The following SOS2 variants were observed in gnomAD, a reference collection of about 807,000 sequenced individuals.
SOS2 encodes SOS Ras/Rho guanine nucleotide exchange factor 2.
In SOS2, 65 loss-of-function variants were observed where a neutral mutation model predicts 148.2. That is an observed-to-expected ratio of 0.44 (90% CI 0.36 to 0.54). SOS2 has a LOEUF of 0.54. Among genes scored for constraint, SOS2 ranks in the 20% least tolerant of loss-of-function variants. The pLI, the probability that SOS2 is intolerant of heterozygous loss-of-function variation, is 0.00. For missense variants in SOS2, 1,341 were observed against 1,590.2 expected (o/e 0.84, Z 2.67); for synonymous variants, 539 against 537.1 (o/e 1.00, Z -0.05).
At chr14:50,137,418 AC>A (rs1233133276) in intron 18 of SOS2, among the ~76,000 whole-genome samples, 5 of 152,188 alleles carry the variant, frequency 3.3e-5, no homozygotes, top group Admixed American at 1.3e-4. Flanking sequence ...TTTTCTTTTT[AC>A]TGCATGGACA....
At chr14:50,187,704 A>C (rs1885961454) in intron 5 of SOS2, among the ~76,000 whole-genome samples, 1 of 152,236 alleles carries the variant, frequency 6.6e-6, no homozygotes, top group Admixed American at 6.5e-5. Flanking sequence ...AAAATAAATC[A>C]TGTGATAAAA....
intron 8 of SOS2, among the ~76,000 whole-genome samples, chr14:50,169,996 G>A (rs1466943269): frequency 6.6e-6 from 1 of 151,902 alleles, no homozygotes; most frequent in African/African-American, 2.4e-5. Context: ...CGTAAACATG[G>A]CTCACTGCAG....
intron 4 of SOS2, among the ~76,000 whole-genome samples, chr14:50,192,589 C>T (rs143197954): frequency 5.3e-4 from 81 of 151,820 alleles, no homozygotes; most frequent in East Asian, 2.1e-3. Context: ...AAAGGCCAGG[C>T]GCAGTAGCTC....
At position 50,212,006 on chromosome 14, in the gene SOS2, G is replaced by A. The variant is rs1462620362; in HGVS notation, c.88-7597C>T. On this transcript the variant is annotated intron_variant, in intron 1 of 22. Coordinates refer to ENST00000216373, the MANE Select transcript of SOS2 (RefSeq NM_006939.4). ...AGTAATAATGACAGCTACATAAAAT[G>A]TGGATGCACCCTGAAAAAATGTTGG... Among the ~76,000 whole-genome samples, 7 of 152,278 alleles carry A rather than the reference G, an allele frequency of 4.6e-5. No individual in the cohort carries two copies. In the South Asian group the frequency reaches 6.2e-4, roughly 14 times the overall value.
At chr14:50,181,504 T>G (rs1041981250) in intron 6 of SOS2, among the ~76,000 whole-genome samples, 5 of 152,030 alleles carry the variant, frequency 3.3e-5, no homozygotes, top group African/African-American at 1.2e-4. Flanking sequence ...GTTGCAGTGT[T>G]GTTTACAATA....
chr14:50,138,824 T>G, intron 17 of SOS2, 40 bp from the exon 18 acceptor site: 1 of 710,862 alleles, frequency 1.4e-6, no homozygotes, highest in Non-Finnish European at 2.2e-6. Context: ...AAAGTTATTT[T>G]AAATTTTGTT....
At chr14:50,165,883 G>A (rs1050744405) in intron 8 of SOS2, among the ~76,000 whole-genome samples, 1 of 152,176 alleles carries the variant, frequency 6.6e-6, no homozygotes, top group Non-Finnish European at 1.5e-5. Context: ...TGAAGGAAAT[G>A]AGGCACAGAG....
At chr14:50,198,658 T>C (rs1265496684) in intron 4 of SOS2, among the ~76,000 whole-genome samples, 3 of 152,154 alleles carry the variant, frequency 2.0e-5, no homozygotes, top group Non-Finnish European at 4.4e-5. Flanking sequence ...GTCCTGAAGG[T>C]TGTTCACCCT....
Position 50,120,283 on chromosome 14 carries a change from T to C in SOS2, c.3481A>G (p.Asn1161Asp), listed in dbSNP as rs371703424. ...PRKKFDHDAS[N>D]SKGNMKSDDD... ...AAAGTCCTGTTGATTACCTTGGAATTTGAAGCATCATGATCAAACTTTTTT... is the reference window on the plus strand; with the variant it reads ...AAAGTCCTGTTGATTACCTTGGAATCTGAAGCATCATGATCAAACTTTTTT... The change falls in exon 22 of 23, where the codon AAT becomes GAT. Residue 1161 changes from asparagine to aspartate, a missense_variant. Coordinates refer to ENST00000216373, the MANE Select transcript of SOS2 (RefSeq NM_006939.4). The C allele has an allele frequency of 9.1e-6, 14 of 1,538,034 alleles. No individual in the cohort carries two copies. In the African/African-American group the frequency reaches 1.2e-4, roughly 14 times the overall value.
chr14:50,176,092 C>T (rs1389099839), intron 7 of SOS2, among the ~76,000 whole-genome samples: 3 of 152,144 alleles, frequency 2.0e-5, no homozygotes, highest in Admixed American at 6.5e-5. Flanking sequence ...AGGGCAGAGC[C>T]CCTGTGAACG....
intron 21 of SOS2, among the ~76,000 whole-genome samples, chr14:50,125,302 G>C (rs1044637985): frequency 1.3e-5 from 2 of 152,214 alleles, no homozygotes; most frequent in Admixed American, 1.3e-4. Context: ...GGTAGAAGAA[G>C]CAAGGAAGGA....
chr14:50,158,752 C>T, intron 10 of SOS2, 106 bp from the exon 11 acceptor site: 1 of 699,254 alleles, frequency 1.4e-6, no homozygotes, highest in Middle Eastern at 2.6e-4. Flanking sequence ...TTTACTTTGG[C>T]TCCTCAGATT....
intron 2 of SOS2, among the ~76,000 whole-genome samples, chr14:50,203,236 T>G (rs937704732): frequency 1.3e-5 from 2 of 151,346 alleles, no homozygotes; most frequent in Admixed American, 1.3e-4. Flanking sequence ...TAGCCTGGGG[T>G]GCACGCCTGT....
At chr14:50,224,326 C>T (rs866163320) in intron 1 of SOS2, among the ~76,000 whole-genome samples, 13,586 of 112,888 alleles carry the variant, frequency 0.12, 1,582 homozygotes, top group East Asian at 0.33. Flanking sequence ...CACACACACA[C>T]ACACACACAC....
Position 50,118,639 on chromosome 14 carries a change from T to G in SOS2, c.3704A>C (p.Gln1235Pro), listed in dbSNP as rs1883395132. ...EHFINCPFNLQPPPLGHLHRD... is the reference protein window; with the variant it reads ...EHFINCPFNLPPPPLGHLHRD... ...GTGAAGATGCCCCAGTGGAGGTGGC[T>G]GAAGATTAAATGGACAGTTTATAAA... The change falls in exon 23 of 23, where the codon CAG (glutamine) becomes CCG (proline). Residue 1235 changes from glutamine (Q) to proline (P), a missense_variant. Coordinates refer to ENST00000216373, the MANE Select transcript of SOS2 (RefSeq NM_006939.4). The G allele has an allele frequency of 6.2e-7, 1 of 1,613,912 alleles. No individual in the cohort carries two copies. Among genetic ancestry groups the G allele is most frequent in the South Asian group, 1.1e-5 (1 of 91,070 alleles).
chr14:50,205,353 C>T (rs1886625782), intron 1 of SOS2, among the ~76,000 whole-genome samples: 1 of 152,084 alleles, frequency 6.6e-6, no homozygotes, highest in Non-Finnish European at 1.5e-5. Flanking sequence ...ACCCAGCCTG[C>T]TTTAACTTTT....
At position 50,150,148 on chromosome 14, in the gene SOS2, A is replaced by G; in HGVS notation, c.2244T>C (p.His748=). 6.2e-7 allele frequency: 1 copy of G among 1,613,456 alleles called. No individual in the cohort carries two copies. Among genetic ancestry groups the G allele is most frequent in the African/African-American group, 1.3e-5 (1 of 75,044 alleles). ...KKQAQANGVS[H]NITFESPPPP... ...GAGGTGGACTTTCAAAGGTAATATT[A>G]TGGCTTACTCCGTTTGCCTGAGCTT... The change falls in exon 14 of 23, where the codon CAT becomes CAC. Residue 748 remains histidine (H), a synonymous_variant. Coordinates refer to ENST00000216373, the MANE Select transcript of SOS2 (RefSeq NM_006939.4).
chr14:50,160,379 CTTT>C (rs200021758), intron 9 of SOS2, among the ~76,000 whole-genome samples: 22 of 78,894 alleles, frequency 2.8e-4, no homozygotes, highest in African/African-American at 1.0e-3. Flanking sequence ...CAATGCTAAT[CTTT>C]TTTTTTTTTT....
In SOS2 at chr14:50,120,308, T is replaced by G; in HGVS notation, c.3456A>C (p.Arg1152=). The change falls in exon 22 of 23, where the codon CGA becomes CGC. Residue 1152 remains arginine (R), a synonymous_variant. Transcript: ENST00000216373. ...TTGAAGCATCATGATCAAACTTTTT[T>G]CGAGGAGGAAGAGGAGGAGGAATCA... ...EPLIPPPLPP[R]KKFDHDASNS... The G allele has an allele frequency of 6.2e-7, 1 of 1,606,636 alleles. No individual in the cohort carries two copies. The highest frequency in any genetic ancestry group is 1.3e-5 in the African/African-American group (1 of 74,776).
Sources: gnomAD v4.1 joint callset for allele counts (sites outside exome capture counted in the v4.1 genomes callset) on GRCh38, gnomAD v4.1.1 for gene constraint, MANE v1.5 for transcripts, NCBI Gene and HGNC (gene_info 2026-07-23, HGNC 2026-07-21) for gene names.